Variants in XKR5 observed in about 807,000 individuals in gnomAD.
XKR5 encodes XK-related protein 5.
XKR5 carries 46 observed loss-of-function variants against 40.8 expected under a neutral mutation model. The observed-to-expected ratio is 1.13, with a 90% CI of 0.89 to 1.44. The LOEUF (loss-of-function observed/expected upper bound fraction) is 1.44. Among genes scored for constraint, XKR5 ranks in the 40% most tolerant of loss-of-function variants. The pLI is 0.00. For synonymous variants in XKR5, 466 were observed against 356.1 expected (o/e 1.31, Z -3.48); for missense variants, 1,169 against 844.7 (o/e 1.38, Z -4.76).
chr8:6,831,889 C>G (rs373992022), intron 2 of XKR5, among the ~76,000 whole-genome samples: 1 of 151,994 alleles, frequency 6.6e-6, no homozygotes, highest in African/African-American at 2.4e-5. Context: ...GTGGCACGTG[C>G]CTGTAGTCCC....
At chr8:6,820,742 C>T (rs367715859) in intron 5 of XKR5, among the ~76,000 whole-genome samples, 1 of 152,182 alleles carries the variant, frequency 6.6e-6, no homozygotes, top group Non-Finnish European at 1.5e-5. Context: ...ATGTGTCCAA[C>T]ATTGCAAGTC....
intron 5 of XKR5, among the ~76,000 whole-genome samples, chr8:6,821,668 A>G (rs541974428): frequency 5.9e-5 from 9 of 152,278 alleles, no homozygotes; most frequent in South Asian, 2.1e-4. Flanking sequence ...CCACAGCTGG[A>G]GGTTGGGTTA....
chr8:6,816,406 C>G (rs75950578), intron 5 of XKR5, among the ~76,000 whole-genome samples: 2,874 of 152,102 alleles, frequency 0.019, 87 homozygotes, highest in African/African-American at 0.065. Context: ...TTTGCGGCCA[C>G]CAGGTGGCAG....
chr8:6,834,022 T>A (rs1804886916), intron 1 of XKR5, among the ~76,000 whole-genome samples: 1 of 152,170 alleles, frequency 6.6e-6, no homozygotes, highest in Non-Finnish European at 1.5e-5. Flanking sequence ...ACGAAACCGT[T>A]AGTCCCTGTG....
chr8:6,816,209 C>G (rs1452130482), intron 5 of XKR5, among the ~76,000 whole-genome samples: 2 of 152,120 alleles, frequency 1.3e-5, no homozygotes, highest in Admixed American at 6.5e-5. Context: ...TTTAGAGAGT[C>G]ATTATGGGCT....
rs772725786 is a variant in XKR5 at position 6,825,279 on chromosome 8, G to A, written c.313C>T (p.Gln105Ter). 2 of 1,610,718 alleles carry A rather than the reference G, an allele frequency of 1.2e-6. No homozygotes were observed. The highest frequency in any genetic ancestry group is 2.2e-5 in the East Asian group (1 of 44,754). The change falls in exon 3 of 7, where the codon CAG (glutamine) becomes TAG (stop). Residue 105 changes from glutamine (Q) to a stop codon, truncating the protein, a stop_gained. Coordinates refer to ENST00000618742, the MANE Select transcript of XKR5 (RefSeq NM_207411.5). LOFTEE classifies it high-confidence loss of function. The stretch of plus-strand genomic sequence containing the variant: ...CGAAGGGCCGACAGGTCGGCCTCCT[G>A]CAGCTGCAGCCAGCCTCGGTGGGGA... ...EAPHRGWLQL[Q>*]EADLSALRLL... is the part of the protein sequence containing the mutation.
At chr8:6,814,592 C>T (rs911939259) in intron 6 of XKR5, among the ~76,000 whole-genome samples, 5 of 152,098 alleles carry the variant, frequency 3.3e-5, no homozygotes, top group Admixed American at 6.5e-5. Flanking sequence ...CACCGTTTTG[C>T]GAGATATTAC....
At position 6,821,937 on chromosome 8, in the gene XKR5, C is replaced by G. The variant is rs1270033243; in HGVS notation, c.739G>C (p.Val247Leu). 4 of 1,612,770 alleles carry G rather than the reference C, an allele frequency of 2.5e-6. No homozygotes were observed. Among genetic ancestry groups the G allele is most frequent in the Non-Finnish European group, 3.4e-6 (4 of 1,179,444 alleles). ...AAGCTGAGGTAGCAGAGGATGTACACGGCCCCCACGAGCAGGTTGAACAGC... is the reference window on the plus strand; with the variant it reads ...AAGCTGAGGTAGCAGAGGATGTACAGGGCCCCCACGAGCAGGTTGAACAGC... ...WRLFNLLVGA[V>L]YILCYLSFWD... The change falls in exon 5 of 7, where the codon GTG (valine) becomes CTG (leucine). Residue 247 changes from valine to leucine, a missense_variant. Transcript: ENST00000618742.
At chr8:6,829,749 T>G (rs1036368720) in intron 2 of XKR5, among the ~76,000 whole-genome samples, 7 of 149,504 alleles carry the variant, frequency 4.7e-5, no homozygotes, top group Non-Finnish European at 1.0e-4. Context: ...ACTCCTGGCC[T>G]CAAGAGATCA....
In XKR5 at chr8:6,825,312, G is replaced by A. The variant is rs781354244; in HGVS notation, c.280C>T (p.Leu94=). 3.1e-6 allele frequency: 5 copies of A among 1,603,578 alleles called. No individual in the cohort carries two copies. Among genetic ancestry groups the A allele is most frequent in the Admixed American group, 1.8e-5 (1 of 57,064 alleles). The change falls in exon 3 of 7, where the codon CTG becomes TTG. Residue 94 remains leucine, a synonymous_variant. Transcript: ENST00000618742. ...DAALTSLQKE[L]EAPHRGWLQL... ...AGCCAGCCTCGGTGGGGAGCCTCCA[G>A]TTCCTTCTGCAGACTGGTCAGTGCA...
At chr8:6,820,700 G>C (rs1214078590) in intron 5 of XKR5, among the ~76,000 whole-genome samples, 1 of 152,242 alleles carries the variant, frequency 6.6e-6, no homozygotes, top group Non-Finnish European at 1.5e-5. Context: ...TCGGTGTTCA[G>C]ATGTGGACGC....
chr8:6,833,243 T>G (rs1010929084), intron 1 of XKR5, among the ~76,000 whole-genome samples: 2 of 152,180 alleles, frequency 1.3e-5, no homozygotes, highest in African/African-American at 4.8e-5. Context: ...GCCACAGAAA[T>G]TATTCAAAGG....
Position 6,812,144 on chromosome 8 carries a change from G to A in XKR5, c.1115C>T (p.Thr372Ile). ...GSCQGASYEP[T>I]ILGKPPTPEQ... ...AGGGGTAGGGGGCTTCCCTAAAATGGTTGGTTCATAACTTGCCCCTTGGCA... is the reference window on the plus strand; with the variant it reads ...AGGGGTAGGGGGCTTCCCTAAAATGATTGGTTCATAACTTGCCCCTTGGCA... Residue 372 changes from threonine to isoleucine, a missense_variant, in exon 7 of 7, where the codon ACC (threonine) becomes ATC (isoleucine). Transcript: ENST00000618742. The A allele has an allele frequency of 6.4e-7, 1 of 1,551,110 alleles. No homozygotes were observed. The highest frequency in any genetic ancestry group is 8.7e-7 in the Non-Finnish European group (1 of 1,146,988).
chr8:6,824,055 C>T (rs1195252266), intron 3 of XKR5, among the ~76,000 whole-genome samples: 1 of 152,212 alleles, frequency 6.6e-6, no homozygotes. Context: ...TCCTGATCCT[C>T]TAAGTCCTCT....
chr8:6,824,615 CA>C (rs894109392), intron 3 of XKR5, among the ~76,000 whole-genome samples: 2 of 152,180 alleles, frequency 1.3e-5, no homozygotes, highest in African/African-American at 4.8e-5. Context: ...ACTGCAGCCT[CA>C]AACTCCTGGC....
chr8:6,811,225 C>T lies in XKR5; in HGVS notation c.2034G>A (p.Met678Ile), dbSNP rs117373164. 6,872 of 1,537,114 alleles carry T rather than the reference C, an allele frequency of 4.5e-3. 19 individuals carry two copies. Among genetic ancestry groups the T allele is most frequent in the Middle Eastern group, 0.011 (63 of 5,988 alleles). ...AGATGAAAAAACTCGGCTCTTGCTT[C>T]ATCTGTTCCCTGCAGCTGCAGTCCG... ...IQTDCSCREQMKQEPSFFI is the reference protein window; with the variant it reads ...IQTDCSCREQIKQEPSFFI Residue 678 changes from methionine (M) to isoleucine (I), a missense_variant, in exon 7 of 7, where the codon ATG (methionine) becomes ATA (isoleucine). Met to Ile is a conservative substitution (Grantham distance 10, BLOSUM62 1). Coordinates refer to ENST00000618742, the MANE Select transcript of XKR5 (RefSeq NM_207411.5).
rs1407580254 is a variant in XKR5 at position 6,823,602 on chromosome 8, T to C, written c.556A>G (p.Arg186Gly). The C allele has an allele frequency of 6.3e-7, 1 of 1,596,384 alleles. No homozygotes were observed. The change falls in exon 4 of 7, where the codon AGG (arginine) becomes GGG (glycine). Residue 186 changes from arginine (R) to glycine (G), a missense_variant. Arg to Gly is a moderately radical substitution (Grantham distance 125). Transcript: ENST00000618742. The part of the protein sequence containing the change: ...WAALFCQQLW[R>G]MGMLGTRVLS... ...ACGCGGGTTCCCAACATGCCCATCC[T>C]CCAGAGCTGCTGGCAGAAGAGGGCG...
Position 6,811,652 on chromosome 8 carries a change from C to T in XKR5, c.1607G>A (p.Gly536Glu), listed in dbSNP as rs1387620515. ...GAAGTACAACGTGGAACTCTGCTGTCCTTCCCCTCCTCTCTGCTGCCCACC... is the reference window on the plus strand; with the variant it reads ...GAAGTACAACGTGGAACTCTGCTGTTCTTCCCCTCCTCTCTGCTGCCCACC... Reference protein sequence around the residue: ...GTGGQQRGGEGQQSSTLYFSA... With the variant: ...GTGGQQRGGEEQQSSTLYFSA... The change falls in exon 7 of 7, where the codon GGA (glycine) becomes GAA (glutamate). Residue 536 changes from glycine (G) to glutamate (E), a missense_variant. Gly to Glu is a moderately conservative substitution (Grantham distance 98). Coordinates refer to ENST00000618742, the MANE Select transcript of XKR5 (RefSeq NM_207411.5). The T allele has an allele frequency of 6.5e-7, 1 of 1,537,620 alleles. No individual in the cohort carries two copies. The highest frequency in any genetic ancestry group is 8.7e-7 in the Non-Finnish European group (1 of 1,147,010).
intron 3 of XKR5, 48 bp downstream of exon 3, chr8:6,825,117 C>T: frequency 1.2e-6 from 2 of 1,601,508 alleles, no homozygotes; most frequent in South Asian, 1.1e-5. Flanking sequence ...CATTCCTGTC[C>T]CCCTTCGGCA....
Sources: allele counts gnomAD v4.1 joint callset (sites outside exome capture counted in the v4.1 genomes callset), GRCh38; gene constraint gnomAD v4.1.1; transcripts MANE v1.5; gene names NCBI Gene and HGNC (gene_info 2026-07-23, HGNC 2026-07-21).